Variants in LMTK2 observed in about 807,000 individuals in gnomAD.
LMTK2 encodes the protein lemur tail kinase 2, also known as serine/threonine-protein kinase LMTK2.
LMTK2 carries 37 observed loss-of-function variants against 127.5 expected under a neutral mutation model. The ratio of observed to expected loss-of-function variants is 0.29; its 90% confidence interval spans 0.22 to 0.38. The LOEUF is 0.38. Among genes scored for constraint, LMTK2 ranks in the 10% least tolerant of loss-of-function variants. The probability of loss-of-function intolerance (pLI) is 1.00; values close to 1 mark genes in which losing one functional copy is unlikely to be tolerated. For missense variants in LMTK2, 1,694 were observed against 1,920.3 expected, an observed-to-expected ratio of 0.88 and a Z score of 2.20; for synonymous variants, 819 against 810.1, an observed-to-expected ratio of 1.01 and a Z score of -0.19.
At chr7:98,196,482 A>G (rs1797623685) in intron 11 of LMTK2, among the ~76,000 whole-genome samples, 1 of 152,218 alleles carries the variant, frequency 6.6e-6, no homozygotes, top group South Asian at 2.1e-4. Flanking sequence ...GCATTTCTCC[A>G]TGGATGGGGT....
At chr7:98,115,723 A>G (rs1796271948) in intron 1 of LMTK2, among the ~76,000 whole-genome samples, 1 of 152,134 alleles carries the variant, frequency 6.6e-6, no homozygotes, top group South Asian at 2.1e-4. Flanking sequence ...CGGGAGGCGG[A>G]GGTTGCAGTG....
At chr7:98,158,357 C>T in intron 5 of LMTK2, among the ~76,000 whole-genome samples, 1 of 152,206 alleles carries the variant, frequency 6.6e-6, no homozygotes, top group East Asian at 1.9e-4. Flanking sequence ...TCACTGCAGC[C>T]TCCACCTCCT....
intron 1 of LMTK2, among the ~76,000 whole-genome samples, chr7:98,127,608 T>C (rs376145511): frequency 6.6e-6 from 1 of 152,200 alleles, no homozygotes; most frequent in African/African-American, 2.4e-5. Context: ...CATGCCTGTG[T>C]CTGTGCTGTC....
At chr7:98,187,081 A>T in intron 9 of LMTK2, 83 bp downstream of exon 9, 1 of 1,303,362 alleles carries the variant, frequency 7.7e-7, no homozygotes, top group Non-Finnish European at 1.1e-6. Flanking sequence ...CTTAAAGGAA[A>T]GTAGTTGTAT....
At chr7:98,152,329 C>T (rs571869028) in intron 4 of LMTK2, among the ~76,000 whole-genome samples, 46 of 152,318 alleles carry the variant, frequency 3.0e-4, no homozygotes, top group African/African-American at 1.1e-3. Flanking sequence ...GTAGGGATTA[C>T]ATCGTAAGCA....
chr7:98,157,489 A>G (rs961639224), intron 5 of LMTK2, among the ~76,000 whole-genome samples: 1 of 152,096 alleles, frequency 6.6e-6, no homozygotes, highest in Non-Finnish European at 1.5e-5. Context: ...ATTCCAGAGC[A>G]GTGAAAACTT....
At chr7:98,166,346 C>T (rs995116958) in intron 6 of LMTK2, among the ~76,000 whole-genome samples, 30 of 152,360 alleles carry the variant, frequency 2.0e-4, no homozygotes, top group African/African-American at 7.2e-4. Context: ...CTCTGGCGCC[C>T]TCCGATGGTG....
chr7:98,208,929 G>A lies in LMTK2; in HGVS notation c.*3437G>A, dbSNP rs561022731. ...ACCCCTCCTTTTATTCCTGTTTCCC[G>A]AAATAAGGTATTTGTAGAGTTAAGG... On this transcript the variant is annotated 3_prime_UTR_variant, in exon 14 of 14. Coordinates refer to ENST00000297293, the MANE Select transcript of LMTK2 (RefSeq NM_014916.4). 2.6e-5 allele frequency: 4 copies of A among 152,284 alleles called. No individual in the cohort carries two copies. The highest frequency in any genetic ancestry group is 1.9e-4 in the East Asian group (1 of 5,188). The allele number at this position is 152,284 out of a possible 1,614,324, so 9.4% of individuals were successfully genotyped here.
chr7:98,112,239 C>T (rs937190860), intron 1 of LMTK2, among the ~76,000 whole-genome samples: 5 of 152,070 alleles, frequency 3.3e-5, no homozygotes, highest in African/African-American at 1.2e-4. Context: ...GCTCTGCTGC[C>T]CAGGCTAGAG....
intron 7 of LMTK2, among the ~76,000 whole-genome samples, chr7:98,178,216 T>G (rs955657095): frequency 2.0e-5 from 3 of 152,228 alleles, no homozygotes; most frequent in African/African-American, 7.2e-5. Context: ...CTGTGAACTC[T>G]TCTTATCAGG....
chr7:98,121,723 G>A (rs569507876), intron 1 of LMTK2, among the ~76,000 whole-genome samples: 3 of 150,768 alleles, frequency 2.0e-5, no homozygotes, highest in South Asian at 4.2e-4. Context: ...AATTTGTGCC[G>A]GGCATGGTGG....
intron 1 of LMTK2, among the ~76,000 whole-genome samples, chr7:98,120,416 C>A (rs1442191882): frequency 1.3e-5 from 2 of 152,060 alleles, no homozygotes; most frequent in Non-Finnish European, 2.9e-5. Context: ...ACATCTTGGA[C>A]TTAGAAGATA....
At chr7:98,135,972 G>A (rs914125321) in intron 1 of LMTK2, among the ~76,000 whole-genome samples, 5 of 151,912 alleles carry the variant, frequency 3.3e-5, no homozygotes, top group East Asian at 1.9e-4. Context: ...TCTGCAGGCC[G>A]CCTCCCTCCC....
chr7:98,184,570 C>T (rs1170439952), intron 7 of LMTK2, among the ~76,000 whole-genome samples: 2 of 152,100 alleles, frequency 1.3e-5, no homozygotes, highest in Non-Finnish European at 2.9e-5. Flanking sequence ...TTGACTGAGC[C>T]ATTGTACATC....
intron 6 of LMTK2, among the ~76,000 whole-genome samples, chr7:98,167,220 C>A (rs1006261810): frequency 2.0e-5 from 3 of 152,202 alleles, no homozygotes; most frequent in Non-Finnish European, 4.4e-5. Flanking sequence ...TTCTCCCATT[C>A]ATTAAGCAAA....
intron 3 of LMTK2, among the ~76,000 whole-genome samples, chr7:98,148,691 C>G (rs568632044): frequency 3.0e-4 from 45 of 152,038 alleles, no homozygotes; most frequent in Non-Finnish European, 6.2e-4. Context: ...ATGTGATGTG[C>G]AAAAGAGAAG....
chr7:98,141,506 C>T lies in LMTK2; in HGVS notation c.341C>T (p.Ser114Leu). Residue 114 changes from serine to leucine, a missense_variant, in exon 3 of 14, where the codon TCA becomes TTA. By Grantham distance (145) the Ser-to-Leu change is moderately radical. This residue lies in a region of LMTK2 where 203 missense variants were observed against 226.2 expected (regional missense o/e 0.90). Transcript: ENST00000297293. ...TTCACACTTTCAGTACCAAATATTT[C>T]ACTCCCAGCTCCCTCGCAATTCCAG... Reference protein sequence around the residue: ...EVFTLSVPNISLPAPSQFQPS... With the variant: ...EVFTLSVPNILLPAPSQFQPS... 1 of 1,614,100 alleles carries T rather than the reference C, an allele frequency of 6.2e-7. No homozygotes were observed. Among genetic ancestry groups the T allele is most frequent in the Non-Finnish European group, 8.5e-7 (1 of 1,179,940 alleles).
At chr7:98,186,854 C>A (rs1797443912) in intron 8 of LMTK2, 23 bp from the exon 9 acceptor site, 1 of 1,603,470 alleles carries the variant, frequency 6.2e-7, no homozygotes, top group South Asian at 1.1e-5. Context: ...ATTCAAAATT[C>A]TGTGTGCTTT....
intron 11 of LMTK2, among the ~76,000 whole-genome samples, chr7:98,196,088 C>G (rs1406813109): frequency 1.3e-5 from 2 of 151,568 alleles, no homozygotes; most frequent in African/African-American, 4.9e-5. Context: ...ACTTGGGAGG[C>G]TGAGGCATGA....
Sources: allele counts gnomAD v4.1 joint callset (sites outside exome capture counted in the v4.1 genomes callset), GRCh38; gene constraint gnomAD v4.1.1; regional missense constraint gnomAD v4.1.1; transcripts MANE v1.5; gene names NCBI Gene and HGNC (gene_info 2026-07-23, HGNC 2026-07-21).